Variants in STK38 observed in about 807,000 individuals in gnomAD.
The protein encoded by STK38 is serine/threonine-protein kinase 38.
A neutral mutation model predicts 59.0 loss-of-function variants in STK38; 26 were observed. The ratio of observed to expected loss-of-function variants is 0.44; its 90% CI spans 0.32 to 0.61. The LOEUF (loss-of-function observed/expected upper bound fraction) is 0.61, where lower values mean the gene tolerates loss of function less well. Among genes scored for constraint, STK38 ranks in the 20% least tolerant of loss-of-function variants. The pLI, the probability that STK38 is intolerant of heterozygous loss-of-function variation, is 0.04. For synonymous variants in STK38, 175 were observed against 176.6 expected, an observed-to-expected ratio of 0.99 and a Z score of 0.07; for missense variants, 433 against 566.0, an observed-to-expected ratio of 0.76 and a Z score of 2.38.
At chr6:36,539,419 G>C (rs1777878412) in intron 2 of STK38, among the ~76,000 whole-genome samples, 1 of 151,466 alleles carries the variant, frequency 6.6e-6, no homozygotes, top group Non-Finnish European at 1.5e-5. Context: ...TAAATTATGA[G>C]TTACTAAGTG....
chr6:36,529,892 T>C (rs941337930), intron 2 of STK38, among the ~76,000 whole-genome samples: 3 of 152,092 alleles, frequency 2.0e-5, no homozygotes, highest in African/African-American at 4.8e-5. Flanking sequence ...TCCACCCTAA[T>C]TGAAAACAGA....
intron 2 of STK38, among the ~76,000 whole-genome samples, chr6:36,526,990 G>A (rs944505352): frequency 9.3e-5 from 14 of 150,670 alleles, no homozygotes; most frequent in Non-Finnish European, 1.5e-4. Context: ...TCAGGAGTTC[G>A]AAACCAGCCT....
chr6:36,500,449 T>C (rs1220021367), intron 9 of STK38, among the ~76,000 whole-genome samples: 2 of 151,910 alleles, frequency 1.3e-5, no homozygotes, highest in African/African-American at 4.8e-5. Context: ...ACTAGTTAGG[T>C]GGTAGAGCCC....
At chr6:36,538,235 C>T (rs1231273612) in intron 2 of STK38, among the ~76,000 whole-genome samples, 4 of 150,840 alleles carry the variant, frequency 2.7e-5, no homozygotes, top group South Asian at 4.2e-4. Context: ...ACCTGGGAGG[C>T]GGAGCTTACA....
chr6:36,527,028 C>T (rs1380761243), intron 2 of STK38, among the ~76,000 whole-genome samples: 1 of 151,486 alleles, frequency 6.6e-6, no homozygotes, highest in Non-Finnish European at 1.5e-5. Flanking sequence ...CCTGTCTCTA[C>T]TAAAAATACA....
At chr6:36,506,091 C>T (rs947709857) in intron 9 of STK38, among the ~76,000 whole-genome samples, 2 of 152,124 alleles carry the variant, frequency 1.3e-5, no homozygotes, top group African/African-American at 4.8e-5. Flanking sequence ...CTTTATATTT[C>T]TCTCCAATCT....
At chr6:36,517,333 C>T (rs1040709173) in intron 6 of STK38, among the ~76,000 whole-genome samples, 12 of 151,934 alleles carry the variant, frequency 7.9e-5, no homozygotes, top group African/African-American at 2.9e-4. Flanking sequence ...ATATGTTATA[C>T]AAAAAGAAAC....
At chr6:36,543,605 C>T (rs76926220) in intron 1 of STK38, among the ~76,000 whole-genome samples, 2 of 151,968 alleles carry the variant, frequency 1.3e-5, no homozygotes, top group East Asian at 1.9e-4. Context: ...TACTACCCCC[C>T]ACAGCTGCAG....
chr6:36,543,899 G>T (rs1255508323), intron 1 of STK38, among the ~76,000 whole-genome samples: 1 of 152,188 alleles, frequency 6.6e-6, no homozygotes, highest in Non-Finnish European at 1.5e-5. Flanking sequence ...CTCCCAAAGT[G>T]CTGGGATTAG....
intron 7 of STK38, among the ~76,000 whole-genome samples, chr6:36,510,405 G>C (rs894685204): frequency 1.3e-5 from 2 of 152,346 alleles, no homozygotes; most frequent in Admixed American, 6.5e-5. Context: ...CAGGAGCACA[G>C]AGAAGTCAGG....
intron 7 of STK38, among the ~76,000 whole-genome samples, chr6:36,513,535 G>A (rs1009013404): frequency 2.0e-5 from 3 of 151,454 alleles, no homozygotes; most frequent in African/African-American, 4.8e-5. Context: ...GGATGGTCTC[G>A]ATCTCCTGAC....
In STK38 at chr6:36,540,192, G is replaced by C. The variant is rs752608687; in HGVS notation, c.11C>G (p.Thr4Arg). 1 of 1,613,900 alleles carries C rather than the reference G, an allele frequency of 6.2e-7. No individual in the cohort carries two copies. The highest frequency in any genetic ancestry group is 1.1e-5 in the South Asian group (1 of 91,042). The change falls in exon 2 of 14, where the codon ACA (threonine) becomes AGA (arginine). Residue 4 changes from threonine (T) to arginine (R), a missense_variant. Transcript: ENST00000229812. MAM[T>R]GSTPCSSMSN... The stretch of plus-strand genomic sequence containing the variant: ...CATGGATGAGCAAGGTGTTGAGCCT[G>C]TCATTGCCATGGCTGCTAGAAACAA...
At chr6:36,499,819 G>A in intron 10 of STK38, 54 bp downstream of exon 10, 1 of 1,383,016 alleles carries the variant, frequency 7.2e-7, no homozygotes, top group Non-Finnish European at 1.0e-6. Flanking sequence ...TGGTATCAAT[G>A]TAAAAGTCTG....
chr6:36,512,081 C>G (rs75110224), intron 7 of STK38, among the ~76,000 whole-genome samples: 5,298 of 152,064 alleles, frequency 0.035, 117 homozygotes, highest in African/African-American at 0.055. Flanking sequence ...ACAAAAAAAG[C>G]AAGAAAGAAA....
intron 13 of STK38, 121 bp from the exon 14 acceptor site, chr6:36,496,035 C>T: frequency 2.0e-6 from 2 of 1,019,394 alleles, no homozygotes; most frequent in South Asian, 3.3e-5. Context: ...TTATTTTTCA[C>T]TCTATGAATT....
chr6:36,497,175 T>G (rs927608230), intron 12 of STK38, among the ~76,000 whole-genome samples: 1 of 152,216 alleles, frequency 6.6e-6, no homozygotes, highest in Non-Finnish European at 1.5e-5. Context: ...CCAAGTAGGA[T>G]GGCTAGAAAA....
intron 9 of STK38, among the ~76,000 whole-genome samples, chr6:36,503,386 T>C (rs531107860): frequency 6.6e-6 from 1 of 152,244 alleles, no homozygotes; most frequent in African/African-American, 2.4e-5. Flanking sequence ...AATTGACTTT[T>C]GCATATACTG....
At chr6:36,514,848 CAAAAAAA>C (rs58614183) in intron 7 of STK38, among the ~76,000 whole-genome samples, 1 of 77,706 alleles carries the variant, frequency 1.3e-5, no homozygotes, top group Non-Finnish European at 2.8e-5. Context: ...GACTTCATCT[CAAAAAAA>C]AAAAAAAAAA....
rs552973930 is a variant in STK38, at chr6:36,541,296, T to C, written c.-5-1089A>G. ...ACCATATAGATAAATTAAGAATATA[T>C]AGTAAACCACACGCCTGTAATCCTG... is the stretch of plus-strand genomic sequence containing the variant. On this transcript the variant is annotated intron_variant, in intron 1 of 13. Transcript: ENST00000229812. Among the ~76,000 whole-genome samples the C allele has an allele frequency of 3.3e-5, 5 of 152,248 alleles. No individual in the cohort carries two copies. In the East Asian group the frequency reaches 9.6e-4, roughly 29 times the overall value.
Sources: gnomAD v4.1 joint callset for allele counts (sites outside exome capture counted in the v4.1 genomes callset) on GRCh38, gnomAD v4.1.1 for gene constraint, MANE v1.5 for transcripts, NCBI Gene and HGNC (gene_info 2026-07-23, HGNC 2026-07-21) for gene names.